CDK12: variants seen among roughly 807,000 people sequenced by gnomAD.
The protein encoded by CDK12 is cyclin-dependent kinase 12.
In CDK12, 17 loss-of-function variants were observed where a neutral mutation model predicts 133.8. That is an observed-to-expected ratio of 0.13 (90% CI 0.09 to 0.19). The LOEUF (loss-of-function observed/expected upper bound fraction) is 0.19. CDK12 is among the 10% of genes least tolerant of loss of function. The pLI is 1.00. For synonymous variants in CDK12, 694 were observed against 683.6 expected (o/e 1.02, Z -0.24); for missense variants, 1,508 against 1,818.7 (o/e 0.83, Z 3.11).
At chr17:39,484,439 CTT>C (rs1196370072) in intron 2 of CDK12, among the ~76,000 whole-genome samples, 1 of 152,130 alleles carries the variant, frequency 6.6e-6, no homozygotes, top group Non-Finnish European at 1.5e-5. Flanking sequence ...GATAGACTCA[CTT>C]TGCATGTACC....
intron 1 of CDK12, among the ~76,000 whole-genome samples, chr17:39,470,492 T>C (rs755286194): frequency 6.6e-6 from 1 of 152,190 alleles, no homozygotes; most frequent in Non-Finnish European, 1.5e-5. Flanking sequence ...ATTGTGAAGA[T>C]AGCGCAAAGA....
At chr17:39,557,476 T>A (rs1278510822) in intron 3 of CDK12, among the ~76,000 whole-genome samples, 2 of 152,172 alleles carry the variant, frequency 1.3e-5, no homozygotes. Flanking sequence ...AAAGAAAAAC[T>A]CCTTCTGTCC....
chr17:39,500,820 G>T (rs2052664491), intron 5 of CDK12, among the ~76,000 whole-genome samples: 1 of 151,708 alleles, frequency 6.6e-6, no homozygotes, highest in Non-Finnish European at 1.5e-5. Context: ...TCCAGCTCCT[G>T]GGTTCAAGTG....
chr17:39,515,625 T>C (rs2053754065), intron 8 of CDK12, 106 bp from the exon 9 acceptor site: 2 of 659,394 alleles, frequency 3.0e-6, no homozygotes, highest in Non-Finnish European at 5.3e-6. Context: ...TTGGGGCTAT[T>C]TATCTTGGTT....
intron 5 of CDK12, among the ~76,000 whole-genome samples, chr17:39,496,589 T>C (rs1477259435): frequency 6.6e-6 from 1 of 151,992 alleles, no homozygotes; most frequent in Non-Finnish European, 1.5e-5. Context: ...AATCTTCAGC[T>C]ACTTGGGAGG....
chr17:39,484,855 A>G (rs1053955596), intron 2 of CDK12, among the ~76,000 whole-genome samples: 100 of 152,246 alleles, frequency 6.6e-4, no homozygotes, highest in African/African-American at 2.3e-3. Context: ...CAAATAATCC[A>G]AAATCTAAAA....
chr17:39,497,160 G>C (rs1046624134), intron 5 of CDK12, among the ~76,000 whole-genome samples: 1 of 151,966 alleles, frequency 6.6e-6, no homozygotes, highest in African/African-American at 2.4e-5. Flanking sequence ...TCAAACTTCT[G>C]TCCCCAGCTG....
chr17:39,499,755 CCTT>C lies in CDK12; in HGVS notation c.2420-1492_2420-1490del, dbSNP rs200454867. 9.2e-3 allele frequency among the ~76,000 whole-genome samples: 1,403 copies of C among 152,102 alleles called. 19 individuals are homozygous for C. The highest frequency in any genetic ancestry group is 0.032 in the African/African-American group (1,326 of 41,502). On this transcript the variant is annotated intron_variant, in intron 5 of 13. Coordinates refer to ENST00000447079, the MANE Select transcript of CDK12 (RefSeq NM_016507.4). ...TCTCGAACTCCTGACCTCAGGCAATCCTTCTGCCTTGGCCTCCCAAAGTGCTGG... is the reference window on the plus strand; with the variant it reads ...TCTCGAACTCCTGACCTCAGGCAATCCTGCCTTGGCCTCCCAAAGTGCTGG...
At chr17:39,518,929 T>G (rs1185803949) in intron 10 of CDK12, among the ~76,000 whole-genome samples, 1 of 152,146 alleles carries the variant, frequency 6.6e-6, no homozygotes, top group Non-Finnish European at 1.5e-5. Flanking sequence ...GAGATGGGGT[T>G]TCGCTCTTGT....
At chr17:39,498,022 G>A (rs2052271020) in intron 5 of CDK12, among the ~76,000 whole-genome samples, 1 of 136,692 alleles carries the variant, frequency 7.3e-6, no homozygotes, top group South Asian at 2.4e-4. Flanking sequence ...TTTTTTTTTT[G>A]GGACAGAGTC....
intron 3 of CDK12, among the ~76,000 whole-genome samples, chr17:39,562,388 C>G (rs2056405544): frequency 6.6e-6 from 1 of 152,192 alleles, no homozygotes. Context: ...CTGAGATTTT[C>G]TGGCTCTGGG....
At chr17:39,527,914 A>G (rs1380629023) in intron 13 of CDK12, among the ~76,000 whole-genome samples, 2 of 150,686 alleles carry the variant, frequency 1.3e-5, no homozygotes, top group African/African-American at 4.9e-5. Context: ...GAAAGTCCGT[A>G]CTTTTTTTTT....
intron 2 of CDK12, among the ~76,000 whole-genome samples, chr17:39,475,696 C>G (rs554981456): frequency 1.3e-5 from 2 of 151,802 alleles, no homozygotes; most frequent in South Asian, 4.2e-4. Flanking sequence ...CAGGTGCCTG[C>G]CACCACGCCC....
chr17:39,500,485 T>C (rs1223455156), intron 5 of CDK12, among the ~76,000 whole-genome samples: 1 of 151,914 alleles, frequency 6.6e-6, no homozygotes, highest in Non-Finnish European at 1.5e-5. Context: ...ATACAAAAAT[T>C]AGCCGGGTGT....
upstream of CDK12, among the ~76,000 whole-genome samples, chr17:39,543,701 G>C (rs2055537533): frequency 6.6e-6 from 1 of 152,160 alleles, no homozygotes; most frequent in African/African-American, 2.4e-5. Flanking sequence ...ATGTAAATTT[G>C]TCTCTAGGGA....
chr17:39,473,561 G>C (rs779921588), intron 2 of CDK12, among the ~76,000 whole-genome samples: 1 of 151,970 alleles, frequency 6.6e-6, no homozygotes, highest in Non-Finnish European at 1.5e-5. Flanking sequence ...TGGCCAACAC[G>C]ATGGAACCCC....
rs556474549 is a variant in CDK12 at position 39,533,052 on chromosome 17, TATAAG to T, written c.*1738_*1742del. On this transcript the variant is annotated 3_prime_UTR_variant, in exon 14 of 14. Coordinates refer to ENST00000447079, the MANE Select transcript of CDK12 (RefSeq NM_016507.4). ...CTTATTTTAAAAAATAAAATCTACT[TATAAG>T]AGAAAGGTGCATTACTTAAAAAAAA... 67 of 228,122 alleles carry T rather than the reference TATAAG, an allele frequency of 2.9e-4. 1 individual carries two copies. In the South Asian group the frequency reaches 3.5e-3, roughly 12 times the overall value. 14.1% of individuals were successfully genotyped at this position (228,122 alleles called of 1,614,324 possible). A position where few individuals can be genotyped will look rare whatever the true frequency, so the allele number is the denominator to read the frequency against.
chr17:39,520,464 A>G (rs569822476), intron 11 of CDK12, among the ~76,000 whole-genome samples: 3 of 152,190 alleles, frequency 2.0e-5, no homozygotes, highest in Non-Finnish European at 4.4e-5. Flanking sequence ...GGTGCAACTC[A>G]GCTCACTGCA....
At chr17:39,521,072 C>T (rs1219125803) in intron 11 of CDK12, among the ~76,000 whole-genome samples, 6 of 151,814 alleles carry the variant, frequency 4.0e-5, no homozygotes, top group East Asian at 2.0e-4. Context: ...CTCGAACTCC[C>T]GACCTCAGGT....
Sources: gnomAD v4.1 joint callset for allele counts (sites outside exome capture counted in the v4.1 genomes callset) on GRCh38, gnomAD v4.1.1 for gene constraint, MANE v1.5 for transcripts, NCBI Gene and HGNC (gene_info 2026-07-23, HGNC 2026-07-21) for gene names.